Variants in NRXN3 observed in about 807,000 individuals in gnomAD.
NRXN3 encodes the protein neurexin 3.
A neutral mutation model predicts 137.6 loss-of-function variants in NRXN3; 32 were observed. That is an observed-to-expected ratio of 0.23 (90% CI 0.18 to 0.31). The LOEUF (loss-of-function observed/expected upper bound fraction) is 0.31. NRXN3 is among the 10% of genes least tolerant of loss of function. The pLI is 1.00. For synonymous variants in NRXN3, 798 were observed against 784.5 expected (o/e 1.02, Z -0.29); for missense variants, 1,574 against 2,062.5 (o/e 0.76, Z 4.59).
intron 4 of NRXN3, among the ~76,000 whole-genome samples, chr14:78,450,091 G>A (rs573872796): frequency 6.6e-6 from 1 of 152,262 alleles, no homozygotes; most frequent in East Asian, 1.9e-4. Context: ...ATTTAAAATG[G>A]ATAAAACAAG....
intron 16 of NRXN3, among the ~76,000 whole-genome samples, chr14:79,537,098 T>G (rs1451856242): frequency 6.6e-6 from 1 of 152,214 alleles, no homozygotes; most frequent in East Asian, 1.9e-4. Context: ...CATTCCTACT[T>G]CTCCACAGCC....
chr14:79,232,020 A>G (rs1005831083), intron 15 of NRXN3, among the ~76,000 whole-genome samples: 8 of 152,186 alleles, frequency 5.3e-5, no homozygotes, highest in Non-Finnish European at 1.0e-4. Flanking sequence ...TAAGGACATG[A>G]ACACCTGGGG....
chr14:79,194,007 T>C (rs777420370), intron 15 of NRXN3, among the ~76,000 whole-genome samples: 4 of 152,190 alleles, frequency 2.6e-5, no homozygotes, highest in Non-Finnish European at 5.9e-5. Context: ...AAATCAGAAG[T>C]GTTTTAACTT....
intron 15 of NRXN3, among the ~76,000 whole-genome samples, chr14:79,333,674 G>A (rs1212776883): frequency 6.6e-6 from 1 of 152,110 alleles, no homozygotes; most frequent in Non-Finnish European, 1.5e-5. Context: ...AAAGCCCTCT[G>A]GTTTTGTTCA....
At chr14:78,649,441 G>A in intron 5 of NRXN3, 1 of 208,216 alleles carries the variant, frequency 4.8e-6, no homozygotes, top group Non-Finnish European at 9.4e-6. Flanking sequence ...TTAAATGCAA[G>A]CCTTTCTTTT....
chr14:78,851,804 G>A (rs73321605), intron 10 of NRXN3, among the ~76,000 whole-genome samples: 17,820 of 152,178 alleles, frequency 0.12, 1,517 homozygotes, highest in East Asian at 0.25. Context: ...AAGAAGGTCA[G>A]AGGCAGAACT....
At chr14:79,462,993 A>G (rs980129957) in intron 15 of NRXN3, among the ~76,000 whole-genome samples, 1 of 150,612 alleles carries the variant, frequency 6.6e-6, no homozygotes, top group African/African-American at 2.5e-5. Context: ...AGTCTCCCAG[A>G]AAAAGTAATA....
At chr14:78,967,631 G>T (rs1343464414) in intron 13 of NRXN3, among the ~76,000 whole-genome samples, 1 of 152,132 alleles carries the variant, frequency 6.6e-6, no homozygotes, top group Non-Finnish European at 1.5e-5. Context: ...TGCTGTGGGG[G>T]CTGAGAGATG....
intron 16 of NRXN3, among the ~76,000 whole-genome samples, chr14:79,569,972 T>TA (rs2153795157): frequency 1.3e-5 from 2 of 152,302 alleles, no homozygotes; most frequent in East Asian, 3.9e-4. Flanking sequence ...CCAGAAGGGA[T>TA]ACACCCTTCG....
intron 4 of NRXN3, among the ~76,000 whole-genome samples, chr14:78,332,876 A>G (rs376116172): frequency 3.0e-4 from 46 of 152,224 alleles, no homozygotes; most frequent in Middle Eastern, 3.4e-3. Context: ...TGAGCATTTG[A>G]CCTTTTCTTC....
chr14:79,208,121 CAA>C (rs1005121877), intron 15 of NRXN3, among the ~76,000 whole-genome samples: 31 of 152,180 alleles, frequency 2.0e-4, no homozygotes, highest in African/African-American at 7.2e-4. Flanking sequence ...GAGTCTATCC[CAA>C]AGAGTGTTAT....
chr14:78,263,876 TG>T (rs1567116437), intron 2 of NRXN3, among the ~76,000 whole-genome samples: 3 of 5,480 alleles, frequency 5.5e-4, no homozygotes, highest in African/African-American at 8.6e-4. Context: ...TTCTATTTTG[TG>T]TGTGTGTGTG....
intron 8 of NRXN3, among the ~76,000 whole-genome samples, chr14:78,761,793 T>TA (rs1431325351): frequency 6.6e-6 from 1 of 152,176 alleles, no homozygotes; most frequent in Non-Finnish European, 1.5e-5. Flanking sequence ...GGAATATCTG[T>TA]ACGTAAACAT....
chr14:78,607,897 G>C (rs1423554672), intron 4 of NRXN3, among the ~76,000 whole-genome samples: 2 of 152,046 alleles, frequency 1.3e-5, no homozygotes, highest in African/African-American at 4.8e-5. Context: ...AGAGTTGACT[G>C]GTAGGAACAT....
chr14:78,590,851 G>A lies in NRXN3; in HGVS notation c.758-54269G>A, dbSNP rs751388214. Among the ~76,000 whole-genome samples the A allele has an allele frequency of 7.9e-5, 12 of 152,212 alleles. No homozygotes were observed. The East Asian group carries it at 1.5e-3, about 20-fold the overall frequency. On this transcript the variant is annotated intron_variant, in intron 4 of 20. Transcript: ENST00000335750. ...AAGCAGAGGTTGCAGTAAGCCAAGA[G>A]CAGGCCACTGCACTCCAGCCAGGGA...
chr14:78,889,356 T>G (rs2099152697), intron 10 of NRXN3, among the ~76,000 whole-genome samples: 1 of 151,958 alleles, frequency 6.6e-6, no homozygotes, highest in African/African-American at 2.4e-5. Flanking sequence ...TGAGTGCAGT[T>G]TTGCTTTCAG....
chr14:79,570,395 A>G (rs2097587663), intron 16 of NRXN3: 1 of 152,222 alleles, frequency 6.6e-6, no homozygotes, highest in Non-Finnish European at 1.5e-5. Context: ...ATTCTTCTCC[A>G]TAGGACTCTG....
intron 1 of NRXN3, among the ~76,000 whole-genome samples, chr14:78,220,476 T>G (rs1348777640): frequency 6.6e-6 from 1 of 151,976 alleles, no homozygotes; most frequent in Non-Finnish European, 1.5e-5. Flanking sequence ...CTGGTAACTT[T>G]GGGGAGAGCT....
intron 15 of NRXN3, among the ~76,000 whole-genome samples, chr14:79,154,151 G>A (rs1052049923): frequency 6.6e-6 from 1 of 151,962 alleles, no homozygotes; most frequent in African/African-American, 2.4e-5. Flanking sequence ...GGGCCATTGT[G>A]TATTGAGCAC....
Sources: gnomAD v4.1 joint callset for allele counts (sites outside exome capture counted in the v4.1 genomes callset) on GRCh38, gnomAD v4.1.1 for gene constraint, MANE v1.5 for transcripts, NCBI Gene and HGNC (gene_info 2026-07-23, HGNC 2026-07-21) for gene names.